SMC1B: variants seen among roughly 807,000 people sequenced by gnomAD.
SMC1B encodes structural maintenance of chromosomes 1B.
A neutral mutation model predicts 157.9 loss-of-function variants in SMC1B; 60 were observed. That is an observed-to-expected ratio of 0.38 (90% confidence interval 0.31 to 0.47). SMC1B has a LOEUF of 0.47. SMC1B is among the 20% of genes least tolerant of loss of function. The pLI, the probability that SMC1B is intolerant of heterozygous loss-of-function variation, is 0.99. For synonymous variants in SMC1B, 445 were observed against 483.0 expected, an observed-to-expected ratio of 0.92 and a Z score of 1.03; for missense variants, 1,165 against 1,426.2, an observed-to-expected ratio of 0.82 and a Z score of 2.95.
intron 15 of SMC1B, among the ~76,000 whole-genome samples, chr22:45,367,474 A>T (rs1333134600): frequency 6.6e-6 from 1 of 152,100 alleles, no homozygotes; most frequent in Non-Finnish European, 1.5e-5. Flanking sequence ...GACCTATGGA[A>T]CCTACCTCTG....
rs751543608 is a variant in SMC1B at position 45,362,979 on chromosome 22, T to C, written c.2468A>G (p.Tyr823Cys). ...QKTRLNVQLE[Y>C]SRSHLKKKLN... ...TTTCTTCTTAAGGTGACTGCGACTA[T>C]ACTCAAGTTGAACATTAAGCCGAGT... The change falls in exon 16 of 25, where the codon TAT (tyrosine) becomes TGT (cysteine). Residue 823 changes from tyrosine (Y) to cysteine (C), a missense_variant. Coordinates refer to ENST00000357450, the MANE Select transcript of SMC1B (RefSeq NM_148674.5). 3 of 1,597,884 alleles carry C rather than the reference T, an allele frequency of 1.9e-6. No individual in the cohort carries two copies. The South Asian group carries it at 3.4e-5, about 18-fold the overall frequency.
intron 7 of SMC1B, among the ~76,000 whole-genome samples, chr22:45,395,445 C>T (rs2087111814): frequency 6.6e-6 from 1 of 152,258 alleles, no homozygotes; most frequent in Admixed American, 6.5e-5. Context: ...TTGACATCTA[C>T]TAAGTGCAAG....
chr22:45,392,334 C>T (rs1267525650), intron 9 of SMC1B, among the ~76,000 whole-genome samples: 1 of 151,824 alleles, frequency 6.6e-6, no homozygotes, highest in Non-Finnish European at 1.5e-5. Flanking sequence ...GGTGAGAATT[C>T]TCAGGAATTA....
At chr22:45,405,523 G>T (rs1013065915) in intron 4 of SMC1B, among the ~76,000 whole-genome samples, 1 of 151,718 alleles carries the variant, frequency 6.6e-6, no homozygotes, top group African/African-American at 2.4e-5. Flanking sequence ...CTGCACTCCA[G>T]CCTGGGGAAA....
intron 7 of SMC1B, among the ~76,000 whole-genome samples, chr22:45,395,923 A>G (rs1186123576): frequency 6.6e-6 from 1 of 152,190 alleles, no homozygotes; most frequent in African/African-American, 2.4e-5. Flanking sequence ...TGGGATATAA[A>G]GAAAAGGAGG....
At position 45,384,522 on chromosome 22, in the gene SMC1B, C is replaced by T. The variant is rs968806582; in HGVS notation, c.1912-909G>A. On this transcript the variant is annotated intron_variant, in intron 11 of 24. Coordinates refer to ENST00000357450, the MANE Select transcript of SMC1B (RefSeq NM_148674.5). ...ATCACTTGAGGTCAGGAGTTTGAGACGAGCCTGGCCAACATGGTGAAACCT... is the reference window on the plus strand; with the variant it reads ...ATCACTTGAGGTCAGGAGTTTGAGATGAGCCTGGCCAACATGGTGAAACCT... Among the ~76,000 whole-genome samples, 7 of 151,996 alleles carry T rather than the reference C, an allele frequency of 4.6e-5. No homozygotes were observed. The South Asian group carries it at 1.5e-3, about 32-fold the overall frequency.
intron 4 of SMC1B, among the ~76,000 whole-genome samples, 184 bp from the exon 5 acceptor site, chr22:45,402,755 A>G (rs1401081422): frequency 6.6e-6 from 1 of 152,222 alleles, no homozygotes; most frequent in Non-Finnish European, 1.5e-5. Context: ...AACCCAATAC[A>G]CCAGCAAATG....
rs183483477 is a variant in SMC1B, at chr22:45,374,441, G to C, written c.2059-2149C>G. On this transcript the variant is annotated intron_variant, in intron 12 of 24. Transcript: ENST00000357450. The stretch of plus-strand genomic sequence containing the variant: ...CAATACAGCAGTTCAGTCCTACCAT[G>C]ACTTGTCTTTAGTAAAAATGGAAAA... 2.4e-3 allele frequency among the ~76,000 whole-genome samples: 366 copies of C among 152,242 alleles called. 4 individuals carry two copies. Among genetic ancestry groups the C allele is most frequent in the Non-Finnish European group, 1.8e-3 (125 of 68,012 alleles).
chr22:45,379,723 C>CTTTTTTTTTTT (rs136583), intron 12 of SMC1B, among the ~76,000 whole-genome samples: 7 of 91,478 alleles, frequency 7.7e-5, no homozygotes, highest in Admixed American at 1.4e-4. Flanking sequence ...TTTCTTTTTA[C>CTTTTTTTTTTT]TTTTTTTTTT....
chr22:45,379,606 C>G (rs897059089), intron 12 of SMC1B, among the ~76,000 whole-genome samples: 1 of 151,952 alleles, frequency 6.6e-6, no homozygotes, highest in Non-Finnish European at 1.5e-5. Context: ...ACACATTGAC[C>G]TTTCTCTCCA....
intron 9 of SMC1B, 88 bp from the exon 10 acceptor site, chr22:45,389,985 A>G: frequency 1.8e-6 from 2 of 1,087,668 alleles, no homozygotes; most frequent in Non-Finnish European, 1.3e-6. Flanking sequence ...AAAGTAGCGC[A>G]GACAAAAACT....
intron 20 of SMC1B, among the ~76,000 whole-genome samples, chr22:45,354,656 G>A (rs957171476): frequency 1.3e-5 from 2 of 152,134 alleles, no homozygotes; most frequent in African/African-American, 2.4e-5. Flanking sequence ...CTCCCAAAGT[G>A]CTGGGATTAC....
At chr22:45,391,097 T>C (rs2087053641) in intron 9 of SMC1B, among the ~76,000 whole-genome samples, 1 of 151,798 alleles carries the variant, frequency 6.6e-6, no homozygotes, top group Non-Finnish European at 1.5e-5. Flanking sequence ...GAGGTCTTGC[T>C]ATGTTGCCCA....
At chr22:45,367,892 T>C (rs1197528834) in intron 15 of SMC1B, among the ~76,000 whole-genome samples, 2 of 152,246 alleles carry the variant, frequency 1.3e-5, no homozygotes, top group African/African-American at 4.8e-5. Context: ...AATTCTGGGA[T>C]ATTGCTGGTG....
chr22:45,401,870 C>T (rs1395484740), intron 5 of SMC1B, among the ~76,000 whole-genome samples: 1 of 151,804 alleles, frequency 6.6e-6, no homozygotes, highest in Admixed American at 6.6e-5. Context: ...ACCACCACTT[C>T]AGGACCATTC....
At chr22:45,394,551 A>G in intron 8 of SMC1B, 134 bp downstream of exon 8, 1 of 1,077,530 alleles carries the variant, frequency 9.3e-7, no homozygotes, top group Non-Finnish European at 1.2e-6. Context: ...TAGGAGCGTC[A>G]TGTGAGCCCC....
Position 45,345,607 on chromosome 22 carries a change from A to G in SMC1B, c.3496-38T>C, listed in dbSNP as rs768285206. The G allele has an allele frequency of 1.8e-5, 24 of 1,312,066 alleles. No homozygotes were observed. The African/African-American group carries it at 3.0e-4, about 17-fold the overall frequency. The allele number at this position is 1,312,066 out of a possible 1,614,324, so 81.3% of individuals were successfully genotyped here. ...AAAACACACATTTCACTAGGAAGGA[A>G]AGGCCTTGTCTGGGCTCTGGAGACA... On this transcript the variant is annotated intron_variant, in intron 23 of 24. Coordinates refer to ENST00000357450, the MANE Select transcript of SMC1B (RefSeq NM_148674.5).
In SMC1B at chr22:45,344,601, G is replaced by A; in HGVS notation, c.3663C>T (p.Asp1221=). The A allele has an allele frequency of 6.2e-7, 1 of 1,614,148 alleles. No homozygotes were observed. Among genetic ancestry groups the A allele is most frequent in the East Asian group, 2.2e-5 (1 of 44,886 alleles). Reference sequence around the variant, plus strand: ...TCTTGCTGCTTTCTTGGCCTTCAGTGTCTGGATACTGAGAAAGATCTAGGG... The same window carrying A: ...TCTTGCTGCTTTCTTGGCCTTCAGTATCTGGATACTGAGAAAGATCTAGGG... ...VLTLDLSQYP[D]TEGQESSKRH... The change falls in exon 25 of 25, where the codon GAC becomes GAT. Residue 1221 remains aspartate, a synonymous_variant. Coordinates refer to ENST00000357450, the MANE Select transcript of SMC1B (RefSeq NM_148674.5).
intron 14 of SMC1B, among the ~76,000 whole-genome samples, chr22:45,370,518 C>T (rs1234941212): frequency 6.6e-6 from 1 of 152,110 alleles, no homozygotes; most frequent in South Asian, 2.1e-4. Flanking sequence ...TAAAATTTAA[C>T]CTCAATGTTT....
Sources: gnomAD v4.1 joint callset for allele counts (sites outside exome capture counted in the v4.1 genomes callset) on GRCh38, gnomAD v4.1.1 for gene constraint, MANE v1.5 for transcripts, NCBI Gene and HGNC (gene_info 2026-07-23, HGNC 2026-07-21) for gene names.